The following ENO1 variants were observed in gnomAD, a reference collection of about 807,000 sequenced individuals.
The protein encoded by ENO1 is enolase 1.
In ENO1, 33 loss-of-function variants were observed where a neutral mutation model predicts 46.3. That is an observed-to-expected ratio of 0.71 (90% CI 0.54 to 0.95). The LOEUF is 0.95. ENO1 is among the 40% of genes least tolerant of loss of function. ENO1 has a pLI of 0.00. For synonymous variants in ENO1, 220 were observed against 216.0 expected (o/e 1.02, Z -0.16); for missense variants, 488 against 553.3 (o/e 0.88, Z 1.18).
intron 9 of ENO1, 43 bp from the exon 10 acceptor site, chr1:8,863,386 TG>T: frequency 1.3e-6 from 2 of 1,578,962 alleles, no homozygotes; most frequent in South Asian, 2.3e-5. Flanking sequence ...TCCCATTTTC[TG>T]GTTCCATAAC....
intron 1 of ENO1, chr1:8,875,802 G>A (rs1267343756): frequency 1.3e-5 from 2 of 152,078 alleles, no homozygotes; most frequent in South Asian, 2.1e-4. Flanking sequence ...TTTAAGAGAT[G>A]GCGGTCTCAC....
At chr1:8,867,095 G>C (rs756621363) in intron 6 of ENO1, 22 bp downstream of exon 6, 1 of 1,607,206 alleles carries the variant, frequency 6.2e-7, no homozygotes, top group Non-Finnish European at 8.5e-7. Flanking sequence ...CCTTGCTTGG[G>C]AAGTTCCAAT....
At chr1:8,862,755 T>G in intron 11 of ENO1, 132 bp downstream of exon 11, 1 of 1,016,256 alleles carries the variant, frequency 9.8e-7, no homozygotes, top group South Asian at 1.6e-5. Context: ...AGGGCCTGGC[T>G]GTCTGCACTG....
At chr1:8,869,684 C>T (rs1222685851) in intron 4 of ENO1, among the ~76,000 whole-genome samples, 1 of 152,178 alleles carries the variant, frequency 6.6e-6, no homozygotes, top group Non-Finnish European at 1.5e-5. Flanking sequence ...CTCAGACTCC[C>T]AAGTAGCTGG....
chr1:8,870,675 C>T lies in ENO1; in HGVS notation c.182-165G>A, dbSNP rs894087925. ...TTCCCCCCAGAATCGGAGGACTTTC[C>T]GGCCCAGTCTGAGTGCTCCTACCTA... On this transcript the variant is annotated intron_variant, in intron 3 of 11. Transcript: ENST00000234590. 20 of 1,476,894 alleles carry T rather than the reference C, an allele frequency of 1.4e-5. No individual in the cohort carries two copies. The South Asian group carries it at 1.5e-4, about 11-fold the overall frequency. 91.5% of individuals were successfully genotyped at this position (1,476,894 alleles called of 1,614,324 possible).
chr1:8,868,845 T>C (rs1335087890), intron 4 of ENO1, among the ~76,000 whole-genome samples: 1 of 124,174 alleles, frequency 8.1e-6, no homozygotes, highest in East Asian at 2.0e-4. Flanking sequence ...GGCTAATTTT[T>C]ATATTTTTTT....
rs34081530 is a variant in ENO1, at chr1:8,877,876, C to CAAAAAAAA, written c.-10+696_-10+703dup. On this transcript the variant is annotated intron_variant, in intron 1 of 11. Transcript: ENST00000234590. Reference sequence around the variant, plus strand: ...CAGCCTGGGCAACAATAGCAAAACTCAAAAAAAAAAAAAAACCAAATCAGA... The same window carrying CAAAAAAAA: ...CAGCCTGGGCAACAATAGCAAAACTCAAAAAAAAAAAAAAAAAAAAAAACCAAATCAGA... 5.2e-4 allele frequency: 74 copies of CAAAAAAAA among 141,522 alleles called. 1 individual carries two copies. The highest frequency in any genetic ancestry group is 1.8e-3 in the African/African-American group (70 of 38,162). 8.8% of individuals were successfully genotyped at this position (141,522 alleles called of 1,614,324 possible).
intron 1 of ENO1, 83 bp from the exon 2 acceptor site, chr1:8,875,000 T>C: frequency 8.4e-7 from 1 of 1,195,408 alleles, no homozygotes; most frequent in African/African-American, 1.5e-5. Context: ...ACTTCCGAGG[T>C]TCGTGGACTA....
intron 6 of ENO1, 63 bp from the exon 7 acceptor site, chr1:8,866,564 C>T: frequency 6.4e-7 from 1 of 1,553,502 alleles, no homozygotes; most frequent in Non-Finnish European, 8.9e-7. Flanking sequence ...GGCAGTAAGC[C>T]CCTCTGGTCC....
At position 8,865,366 on chromosome 1, in the gene ENO1, T is replaced by C; in HGVS notation, c.784A>G (p.Lys262Glu). 2 of 1,614,160 alleles carry C rather than the reference T, an allele frequency of 1.2e-6. No individual in the cohort carries two copies. Among genetic ancestry groups the C allele is most frequent in the Non-Finnish European group, 1.7e-6 (2 of 1,180,026 alleles). ...FRSGKYDLDF[K>E]SPDDPSRYIS... The stretch of plus-strand genomic sequence containing the variant: ...TACCTGCTGGGGTCATCGGGAGACT[T>C]GAAGTCCAGGTCATACTTCCCAGAC... The change falls in exon 8 of 12, where the codon AAG becomes GAG. Residue 262 changes from lysine (K) to glutamate (E), a missense_variant. Lys to Glu is a moderately conservative substitution (Grantham distance 56, BLOSUM62 1). Transcript: ENST00000234590.
chr1:8,863,743 G>C (rs1026594414), intron 9 of ENO1, 148 bp downstream of exon 9: 10 of 913,352 alleles, frequency 1.1e-5, no homozygotes, highest in South Asian at 3.1e-5. Context: ...AATTTAAAAG[G>C]CTCCTGAGTT....
At position 8,867,198 on chromosome 1, in the gene ENO1, A is replaced by G; in HGVS notation, c.363T>C (p.Ala121=). The G allele has an allele frequency of 6.2e-7, 1 of 1,614,234 alleles. No homozygotes were observed. Among genetic ancestry groups the G allele is most frequent in the Non-Finnish European group, 8.5e-7 (1 of 1,180,032 alleles). The part of the protein sequence containing the change: ...ILGVSLAVCK[A]GAVEKGVPLY... Reference sequence around the variant, plus strand: ...GGGGGACCCCCTTCTCAACGGCACCAGCTTTGCAGACGGCAAGGGACACCC... The same window carrying G: ...GGGGGACCCCCTTCTCAACGGCACCGGCTTTGCAGACGGCAAGGGACACCC... The change falls in exon 6 of 12, where the codon GCT becomes GCC. Residue 121 remains alanine (A), a synonymous_variant. Coordinates refer to ENST00000234590, the MANE Select transcript of ENO1 (RefSeq NM_001428.5).
At chr1:8,876,303 CTA>C (rs1318398055) in intron 1 of ENO1, 2 of 152,136 alleles carry the variant, frequency 1.3e-5, no homozygotes, top group Non-Finnish European at 2.9e-5. Flanking sequence ...GCTTTGTTGT[CTA>C]TGTAACAATG....
chr1:8,870,769 G>C, intron 3 of ENO1: 1 of 1,413,032 alleles, frequency 7.1e-7, no homozygotes, highest in Non-Finnish European at 9.2e-7. Flanking sequence ...AGGTTAGTTT[G>C]CAAGACCATG....
At chr1:8,876,824 G>T (rs1397071371) in intron 1 of ENO1, among the ~76,000 whole-genome samples, 1 of 150,420 alleles carries the variant, frequency 6.6e-6, no homozygotes, top group Non-Finnish European at 1.5e-5. Context: ...AAACGTCTTA[G>T]GATGTGAAAA....
Position 8,861,343 on chromosome 1 carries a change from G to C in ENO1, c.*17C>G, listed in dbSNP as rs1065725. On this transcript the variant is annotated 3_prime_UTR_variant, in exon 12 of 12. Transcript: ENST00000234590. ...TGTGTAGCCAACAGGTGACCGAAGG[G>C]CTTGCCTGCCCACAGCTTACTTGGC... 6.2e-7 allele frequency: 1 copy of C among 1,613,354 alleles called. No homozygotes were observed. Among genetic ancestry groups the C allele is most frequent in the Non-Finnish European group, 8.5e-7 (1 of 1,179,966 alleles).
At chr1:8,872,412 C>T (rs1253883230) in intron 2 of ENO1, among the ~76,000 whole-genome samples, 1 of 151,330 alleles carries the variant, frequency 6.6e-6, no homozygotes, top group Non-Finnish European at 1.5e-5. Context: ...GAGACAGAAT[C>T]TCGCTCTATC....
intron 2 of ENO1, 57 bp from the exon 3 acceptor site, chr1:8,872,043 C>T: frequency 6.9e-7 from 1 of 1,443,600 alleles, no homozygotes; most frequent in Non-Finnish European, 9.7e-7. Flanking sequence ...CCAGCACAAT[C>T]CCAAGTCCCC....
chr1:8,871,633 A>T (rs532981560), intron 3 of ENO1: 1 of 1,285,756 alleles, frequency 7.8e-7, no homozygotes, highest in African/African-American at 1.5e-5. Context: ...AGTATTTCGC[A>T]GATTGGGAAC....
Sources: gnomAD v4.1 joint callset for allele counts (sites outside exome capture counted in the v4.1 genomes callset) on GRCh38, gnomAD v4.1.1 for gene constraint, MANE v1.5 for transcripts, NCBI Gene and HGNC (gene_info 2026-07-23, HGNC 2026-07-21) for gene names.